ABCC6: variants seen among roughly 807,000 people sequenced by gnomAD.
ABCC6 encodes the protein ATP binding cassette subfamily C member 6, also known as ATP-binding cassette sub-family C member 6.
Under a neutral mutation model 169.5 loss-of-function variants are expected in ABCC6, and 126 were observed. The ratio of observed to expected loss-of-function variants is 0.74; its 90% confidence interval spans 0.64 to 0.86. The LOEUF (loss-of-function observed/expected upper bound fraction) is 0.86, where lower values mean the gene tolerates loss of function less well. ABCC6 is among the 40% of genes least tolerant of loss of function. ABCC6 has a pLI of 0.00. For missense variants in ABCC6, 1,733 were observed against 1,927.2 expected (o/e 0.90, Z 1.89); for synonymous variants, 752 against 814.7 (o/e 0.92, Z 1.31).
At chr16:16,190,938 G>A (rs1366748486) in intron 11 of ABCC6, among the ~76,000 whole-genome samples, 17 of 142,764 alleles carry the variant, frequency 1.2e-4, no homozygotes, top group South Asian at 7.0e-4. Context: ...GGGGGTAGGG[G>A]GGTGGCGGGG....
chr16:16,180,166 T>C (rs2047421712), intron 17 of ABCC6, among the ~76,000 whole-genome samples: 1 of 152,152 alleles, frequency 6.6e-6, no homozygotes, highest in South Asian at 2.1e-4. Context: ...TAAATACAGA[T>C]GAAACCTCAC....
chr16:16,166,339 G>A (rs1416936920), intron 22 of ABCC6, among the ~76,000 whole-genome samples: 1 of 152,020 alleles, frequency 6.6e-6, no homozygotes, highest in South Asian at 2.1e-4. Flanking sequence ...ATGAGCCACT[G>A]CGCCTGTACC....
intron 14 of ABCC6, 61 bp from the exon 15 acceptor site, chr16:16,185,095 G>C (rs372850863): frequency 2.5e-5 from 37 of 1,484,790 alleles, no homozygotes; most frequent in Middle Eastern, 1.9e-4. Context: ...CTGCATCGGA[G>C]AGGCCCCCAG....
chr16:16,196,209 C>CAAAAAAA lies in ABCC6; in HGVS notation c.1338+1805_1338+1811dup, dbSNP rs35287964. Among the ~76,000 whole-genome samples the CAAAAAAA allele has an allele frequency of 6.3e-4, 83 of 131,616 alleles. 3 individuals are homozygous for CAAAAAAA. Among genetic ancestry groups the CAAAAAAA allele is most frequent in the South Asian group, 4.3e-3 (17 of 3,934 alleles). 86.3% of individuals were successfully genotyped at this position (131,616 alleles called of 152,430 possible). ...TGGGCAACACAGTGAGACTCTGTCT[C>CAAAAAAA]AAAAAAAAAAAAAAAATCAAAAGGA... On this transcript the variant is annotated intron_variant, in intron 10 of 30. Coordinates refer to ENST00000205557, the MANE Select transcript of ABCC6 (RefSeq NM_001171.6).
At chr16:16,180,217 A>T (rs1343173961) in intron 17 of ABCC6, among the ~76,000 whole-genome samples, 1 of 152,206 alleles carries the variant, frequency 6.6e-6, no homozygotes, top group Non-Finnish European at 1.5e-5. Context: ...CTGCCTGCCC[A>T]GTTCCTAACA....
chr16:16,169,678 C>T lies in ABCC6; in HGVS notation c.2963G>A (p.Gly988Asp). Residue 988 changes from glycine to aspartate, a missense_variant, in exon 22 of 31, where the codon GGC (glycine) becomes GAC (aspartate). Gly to Asp is a moderately conservative substitution (Grantham distance 94). Transcript: ENST00000205557. ...GGQQTQAALR[G>D]GIFGLLGCLQ... ...ACAGCCGAGGAGCCCGAAGATCCCG[C>T]CACGCAGGGCTGCCTGCGTCTGCTG... The T allele has an allele frequency of 6.2e-7, 1 of 1,611,266 alleles. No homozygotes were observed. Among genetic ancestry groups the T allele is most frequent in the Non-Finnish European group, 8.5e-7 (1 of 1,179,714 alleles).
intron 11 of ABCC6, among the ~76,000 whole-genome samples, chr16:16,191,394 G>T (rs1190014622): frequency 6.6e-6 from 1 of 152,012 alleles, no homozygotes; most frequent in African/African-American, 2.4e-5. Flanking sequence ...GGGATTACAG[G>T]TGTGGCCTCC....
chr16:16,194,116 T>C (rs1242042241), intron 10 of ABCC6, among the ~76,000 whole-genome samples: 1 of 152,248 alleles, frequency 6.6e-6, no homozygotes, highest in East Asian at 1.9e-4. Flanking sequence ...GGGACCTGGT[T>C]CAAATCCTGA....
At chr16:16,173,007 G>A (rs997154916) in intron 21 of ABCC6, 26 of 485,284 alleles carry the variant, frequency 5.4e-5, no homozygotes, top group African/African-American at 1.2e-4. Flanking sequence ...ACATCACTGC[G>A]GTCCAGCCTG....
intron 14 of ABCC6, among the ~76,000 whole-genome samples, chr16:16,186,682 A>G (rs1423278792): frequency 6.7e-6 from 1 of 150,006 alleles, no homozygotes; most frequent in Non-Finnish European, 1.5e-5. Flanking sequence ...CAGGGCTCCC[A>G]CTGGTTCTAC....
Position 16,154,720 on chromosome 16 carries a change from C to G in ABCC6, c.4116G>C (p.Trp1372Cys). The stretch of plus-strand genomic sequence containing the variant: ...TGAGCTGCACCGTCTCCAGGGCTGC[C>G]CAGATAGCCTCGTCCGAGTGCTCCT... ...LLQEHSDEAI[W>C]AALETVQLKA... Residue 1372 changes from tryptophan (W) to cysteine (C), a missense_variant, in exon 29 of 31, where the codon TGG becomes TGC. By Grantham distance (215) the Trp-to-Cys change is radical. This residue lies in a region of ABCC6 where 1,601 missense variants were observed against 1,635.5 expected (regional missense o/e 0.98). Coordinates refer to ENST00000205557, the MANE Select transcript of ABCC6 (RefSeq NM_001171.6). 6.2e-7 allele frequency: 1 copy of G among 1,613,556 alleles called. No individual in the cohort carries two copies. The highest frequency in any genetic ancestry group is 8.5e-7 in the Non-Finnish European group (1 of 1,179,886).
At chr16:16,189,053 C>T in intron 12 of ABCC6, 79 bp from the exon 13 acceptor site, 1 of 1,533,090 alleles carries the variant, frequency 6.5e-7, no homozygotes, top group South Asian at 1.1e-5. Flanking sequence ...GCTGTGGTGC[C>T]TGCACGGTCC....
rs139107805 is a variant in ABCC6, at chr16:16,164,138, A to G, written c.3307-946T>C. Among the ~76,000 whole-genome samples the G allele has an allele frequency of 6.6e-5, 10 of 152,104 alleles. 1 individual carries two copies. The East Asian group carries it at 1.9e-3, about 29-fold the overall frequency. ...AACCTCTGCCTCCCGGGCTCAAGCA[A>G]TCCTCCCGCCTCATCCTCCCAAGAA... On this transcript the variant is annotated intron_variant, in intron 23 of 30. Coordinates refer to ENST00000205557, the MANE Select transcript of ABCC6 (RefSeq NM_001171.6).
chr16:16,182,336 C>G (rs1426724724), intron 17 of ABCC6, 76 bp downstream of exon 17: 1 of 1,551,026 alleles, frequency 6.4e-7, no homozygotes, highest in Non-Finnish European at 8.9e-7. Context: ...CATCATACTG[C>G]CCATGATGAG....
rs111339199 is a variant in ABCC6 at position 16,219,541 on chromosome 16, C to T, written c.474+13G>A. On this transcript the variant is annotated intron_variant, in intron 4 of 30. Coordinates refer to ENST00000205557, the MANE Select transcript of ABCC6 (RefSeq NM_001171.6). Reference sequence around the variant, plus strand: ...CATTTTGGTTTCCCAGGGTGGCCCACGCCCCGACTTACCGCTCCGGAGGCC... The same window carrying T: ...CATTTTGGTTTCCCAGGGTGGCCCATGCCCCGACTTACCGCTCCGGAGGCC... 0.018 allele frequency: 28,720 copies of T among 1,592,430 alleles called. 416 individuals are homozygous for T. The highest frequency in any genetic ancestry group is 0.021 in the Non-Finnish European group (24,330 of 1,170,524).
At chr16:16,166,095 T>C (rs1242706245) in intron 22 of ABCC6, among the ~76,000 whole-genome samples, 162 bp from the exon 23 acceptor site, 1 of 152,130 alleles carries the variant, frequency 6.6e-6, no homozygotes, top group Non-Finnish European at 1.5e-5. Context: ...CTGTCACCCA[T>C]GTTGAAGTGC....
In ABCC6 at chr16:16,203,415, C is replaced by A. The variant is rs146523238; in HGVS notation, c.993G>T (p.Leu331=). 2,961 of 1,613,876 alleles carry A rather than the reference C, an allele frequency of 1.8e-3. 54 individuals are homozygous for A. In the African/African-American group the frequency reaches 0.035, roughly 19 times the overall value. Residue 331 remains leucine, a synonymous_variant, in exon 8 of 31, where the codon CTG becomes CTT. Coordinates refer to ENST00000205557, the MANE Select transcript of ABCC6 (RefSeq NM_001171.6). ...ACTTGAGGTCTGGGACTCACCTGAG[C>A]AGCTTGGGGACAGTGAACCTGAAGA... ...SDVFRFTVPK[L]LSLFLEFIGD...
chr16:16,183,066 C>T, intron 15 of ABCC6, 136 bp from the exon 16 acceptor site: 1 of 1,348,028 alleles, frequency 7.4e-7, no homozygotes, highest in Admixed American at 1.8e-5. Flanking sequence ...TTCTTTTTCC[C>T]AGTCCTTGTC....
chr16:16,182,292 TCCGCTAC>T, intron 17 of ABCC6, 113 bp downstream of exon 17: 1 of 1,344,814 alleles, frequency 7.4e-7, no homozygotes, highest in Admixed American at 1.7e-5. Flanking sequence ...GCCCTTTTTC[TCCGCTAC>T]TTCCCTAACC....
Sources: allele counts gnomAD v4.1 joint callset (sites outside exome capture counted in the v4.1 genomes callset), GRCh38; gene constraint gnomAD v4.1.1; regional missense constraint gnomAD v4.1.1; transcripts MANE v1.5; gene names NCBI Gene and HGNC (gene_info 2026-07-23, HGNC 2026-07-21).